The following BANP variants were observed in gnomAD, a reference collection of about 807,000 sequenced individuals.
The protein encoded by BANP is BTG3 associated nuclear protein.
In BANP, 11 loss-of-function variants were observed where a neutral mutation model predicts 68.1. The observed-to-expected ratio is 0.16, with a 90% CI of 0.10 to 0.27. The LOEUF (loss-of-function observed/expected upper bound fraction) is 0.27. BANP is among the 10% of genes least tolerant of loss of function. The pLI, the probability that BANP is intolerant of heterozygous loss-of-function variation, is 1.00. For synonymous variants in BANP, 329 were observed against 303.2 expected, an observed-to-expected ratio of 1.09 and a Z score of -0.88; for missense variants, 504 against 722.7, an observed-to-expected ratio of 0.70 and a Z score of 3.47.
chr16:88,028,326 A>C (rs2077408675), intron 8 of BANP, among the ~76,000 whole-genome samples: 2 of 152,258 alleles, frequency 1.3e-5, no homozygotes, highest in South Asian at 4.1e-4. Context: ...GGGCAGGGCC[A>C]GCTCTCCTAT....
At chr16:88,069,631 A>G (rs375107270) in intron 12 of BANP, among the ~76,000 whole-genome samples, 38 of 152,318 alleles carry the variant, frequency 2.5e-4, no homozygotes, top group African/African-American at 8.9e-4. Flanking sequence ...AACTGCTCCT[A>G]ACCCCACCCA....
intron 7 of BANP, among the ~76,000 whole-genome samples, chr16:88,025,621 T>G (rs1340740424): frequency 6.6e-6 from 1 of 152,214 alleles, no homozygotes; most frequent in African/African-American, 2.4e-5. Flanking sequence ...ATACAGAGAT[T>G]CTAAACGTGT....
intron 1 of BANP, among the ~76,000 whole-genome samples, chr16:87,971,303 C>T (rs899757968): frequency 5.3e-5 from 8 of 152,184 alleles, no homozygotes; most frequent in African/African-American, 1.7e-4. Flanking sequence ...GGGTGCTCCG[C>T]TAGCCGCTCT....
chr16:88,006,843 T>C (rs1309288257), intron 6 of BANP, among the ~76,000 whole-genome samples: 1 of 150,962 alleles, frequency 6.6e-6, no homozygotes, highest in Admixed American at 6.6e-5. Flanking sequence ...TCCCAGCTAC[T>C]TGGGAGGCTG....
At chr16:87,984,003 G>T in intron 3 of BANP, 57 bp from the exon 4 acceptor site, 2 of 1,561,642 alleles carry the variant, frequency 1.3e-6, no homozygotes, top group Admixed American at 3.8e-5. Context: ...GTTTCTTGGG[G>T]TTGTCTTCTT....
intron 2 of BANP, among the ~76,000 whole-genome samples, chr16:87,979,417 A>G (rs11865140): frequency 0.018 from 2,815 of 152,252 alleles, 103 homozygotes; most frequent in African/African-American, 0.064. Context: ...GTGTCACAGT[A>G]TAAACCGGTG....
At chr16:88,029,905 G>A (rs1366837981) in intron 8 of BANP, among the ~76,000 whole-genome samples, 1 of 152,208 alleles carries the variant, frequency 6.6e-6, no homozygotes, top group Non-Finnish European at 1.5e-5. Flanking sequence ...AAGAGCAGAG[G>A]GTTACACGGG....
chr16:88,039,722 G>T (rs1158917666), intron 11 of BANP, among the ~76,000 whole-genome samples: 1 of 142,884 alleles, frequency 7.0e-6, no homozygotes, highest in African/African-American at 2.4e-5. Context: ...CTCCAGCACA[G>T]ATCTGAGTTC....
At chr16:87,987,373 C>G (rs1476202360) in intron 4 of BANP, among the ~76,000 whole-genome samples, 2 of 152,142 alleles carry the variant, frequency 1.3e-5, no homozygotes, top group East Asian at 3.9e-4. Context: ...GCCACCACGC[C>G]TAGTGGAGTG....
At chr16:87,959,154 T>G (rs921720282) in intron 1 of BANP, among the ~76,000 whole-genome samples, 8 of 152,204 alleles carry the variant, frequency 5.3e-5, no homozygotes, top group Non-Finnish European at 1.0e-4. Context: ...TCTGGCCTTG[T>G]GGGGCGTGGG....
intron 1 of BANP, among the ~76,000 whole-genome samples, chr16:87,951,867 T>G (rs1294054118): frequency 6.6e-6 from 1 of 151,876 alleles, no homozygotes; most frequent in Non-Finnish European, 1.5e-5. Flanking sequence ...GCGGGGAGAC[T>G]GGAAAGGCCT....
intron 8 of BANP, among the ~76,000 whole-genome samples, chr16:88,032,781 C>G (rs989015039): frequency 6.6e-6 from 1 of 152,214 alleles, no homozygotes; most frequent in Non-Finnish European, 1.5e-5. Flanking sequence ...TACCCATGGA[C>G]AAATATTGCC....
At chr16:87,999,282 A>G (rs2068377986) in intron 4 of BANP, among the ~76,000 whole-genome samples, 1 of 131,388 alleles carries the variant, frequency 7.6e-6, no homozygotes. Context: ...GTCTCCATGC[A>G]TGCACTTGCA....
At chr16:88,030,315 A>AT (rs2077886966) in intron 8 of BANP, among the ~76,000 whole-genome samples, 1 of 152,222 alleles carries the variant, frequency 6.6e-6, no homozygotes, top group Admixed American at 6.5e-5. Context: ...TTAAAATTAC[A>AT]TTCAAGAATT....
In BANP at chr16:88,006,395, C is replaced by G. The variant is rs2071119506; in HGVS notation, c.655+130C>G. ...GGCGCGGTGGCTCACGCCTGTAATCCCAGCACTTTGGGAGGCTGAGGCGGG... is the reference window on the plus strand; with the variant it reads ...GGCGCGGTGGCTCACGCCTGTAATCGCAGCACTTTGGGAGGCTGAGGCGGG... On this transcript the variant is annotated intron_variant, in intron 6 of 13. Coordinates refer to ENST00000682872, the MANE Select transcript of BANP (RefSeq NM_001386991.1). The G allele has an allele frequency of 2.7e-6, 3 of 1,125,100 alleles. No homozygotes were observed. The African/African-American group carries it at 4.7e-5, about 18-fold the overall frequency. 69.7% of individuals were successfully genotyped at this position (1,125,100 alleles called of 1,614,324 possible).
intron 11 of BANP, among the ~76,000 whole-genome samples, chr16:88,055,236 T>C (rs2084699864): frequency 6.6e-6 from 1 of 152,196 alleles, no homozygotes; most frequent in Non-Finnish European, 1.5e-5. Flanking sequence ...GGAGGTATTT[T>C]GTGTATGTTC....
At chr16:87,967,556 A>G (rs1382775614) in intron 1 of BANP, among the ~76,000 whole-genome samples, 1 of 151,382 alleles carries the variant, frequency 6.6e-6, no homozygotes, top group African/African-American at 2.4e-5. Context: ...CCTGGGTGCA[A>G]GTGATTCTAC....
At chr16:88,055,982 C>G (rs1187943046) in intron 11 of BANP, among the ~76,000 whole-genome samples, 1 of 152,004 alleles carries the variant, frequency 6.6e-6, no homozygotes, top group East Asian at 1.9e-4. Context: ...CCAAGAAACC[C>G]CCTGGGAAAG....
In BANP at chr16:88,057,055, G is replaced by T. The variant is rs7498322; in HGVS notation, c.1312-8212G>T. Among the ~76,000 whole-genome samples the T allele has an allele frequency of 6.6e-6, 1 of 152,174 alleles. No homozygotes were observed. The highest frequency in any genetic ancestry group is 2.4e-5 in the African/African-American group (1 of 41,440). On this transcript the variant is annotated intron_variant, in intron 11 of 13. Coordinates refer to ENST00000682872, the MANE Select transcript of BANP (RefSeq NM_001386991.1). The surrounding 1 kb of genome is among the most constrained non-coding windows in gnomAD (Gnocchi z 4.6). ...AATAACTTTACAAATCCTTTTGGTG[G>T]GATCCAAATGTGAGAACTTTTTCTG... is the stretch of plus-strand genomic sequence containing the variant.
Sources: gnomAD v4.1 joint callset for allele counts (sites outside exome capture counted in the v4.1 genomes callset) on GRCh38, gnomAD v4.1.1 for gene constraint, Gnocchi (gnomAD v3.1) non-coding constraint, MANE v1.5 for transcripts, NCBI Gene and HGNC (gene_info 2026-07-23, HGNC 2026-07-21) for gene names.